The following RMI1 variants were observed in gnomAD, a reference collection of about 807,000 sequenced individuals.
The protein encoded by RMI1 is RecQ mediated genome instability 1.
Under a neutral mutation model 46.7 loss-of-function variants are expected in RMI1, and 36 were observed. The ratio of observed to expected loss-of-function variants is 0.77; its 90% CI spans 0.59 to 1.02. The LOEUF (loss-of-function observed/expected upper bound fraction) is 1.02, where lower values mean the gene tolerates loss of function less well. Among genes scored for constraint, RMI1 ranks in the 50% least tolerant of loss-of-function variants. The pLI, the probability that RMI1 is intolerant of heterozygous loss-of-function variation, is 0.00. For missense variants in RMI1, 676 were observed against 713.7 expected, an observed-to-expected ratio of 0.95 and a Z score of 0.60; for synonymous variants, 250 against 252.9, an observed-to-expected ratio of 0.99 and a Z score of 0.11.
chr9:84,000,635 T>C (rs1957723472), intron 2 of RMI1, among the ~76,000 whole-genome samples: 3 of 152,344 alleles, frequency 2.0e-5, no homozygotes, highest in African/African-American at 4.8e-5. Context: ...GTGATCCTGT[T>C]AACAATCCTA....
chr9:83,994,914 G>A (rs550601889), intron 1 of RMI1, among the ~76,000 whole-genome samples: 1 of 152,198 alleles, frequency 6.6e-6, no homozygotes, highest in South Asian at 2.1e-4. Context: ...ATGTTACTGT[G>A]TATAAGTGTA....
chr9:84,001,137 C>T lies in RMI1; in HGVS notation c.151C>T (p.Gln51Ter). The change falls in exon 3 of 3, where the codon CAA (glutamine) becomes TAA (stop). Residue 51 changes from glutamine to a stop codon, truncating the protein, a stop_gained. Transcript: ENST00000445877. LOFTEE classifies it high-confidence loss of function. ...VNLSQAQMNK[Q>*]VFEQWLLTDL... The stretch of plus-strand genomic sequence containing the variant: ...CTTGAGTCAGGCCCAAATGAATAAA[C>T]AAGTGTTTGAGCAGTGGCTCCTTAC... The T allele has an allele frequency of 6.2e-7, 1 of 1,614,058 alleles. No individual in the cohort carries two copies. The highest frequency in any genetic ancestry group is 2.2e-5 in the East Asian group (1 of 44,882).
intron 1 of RMI1, among the ~76,000 whole-genome samples, chr9:83,992,410 C>T (rs1957587999): frequency 6.6e-6 from 1 of 151,774 alleles, no homozygotes; most frequent in African/African-American, 2.4e-5. Context: ...TGCTTAGGTA[C>T]ACTAGGTAGC....
At chr9:83,999,200 AAATAAC>A (rs1957703634) in intron 1 of RMI1, among the ~76,000 whole-genome samples, 1 of 148,060 alleles carries the variant, frequency 6.8e-6, no homozygotes, top group Non-Finnish European at 1.5e-5. Context: ...AAAAAAAATA[AAATAAC>A]AATAAGTATA....
At chr9:83,981,288 G>T (rs1957385595) in intron 1 of RMI1, among the ~76,000 whole-genome samples, 1 of 152,222 alleles carries the variant, frequency 6.6e-6, no homozygotes, top group Non-Finnish European at 1.5e-5. Context: ...TAGTGTCGTC[G>T]CTGTAGTTTA....
At chr9:83,997,977 T>A (rs1260976497) in intron 1 of RMI1, among the ~76,000 whole-genome samples, 2 of 151,582 alleles carry the variant, frequency 1.3e-5, no homozygotes, top group Non-Finnish European at 2.9e-5. Flanking sequence ...AAAAAAAAAA[T>A]TTAAAGATGG....
At chr9:83,981,875 A>T (rs1018442537) in intron 1 of RMI1, among the ~76,000 whole-genome samples, 1 of 152,048 alleles carries the variant, frequency 6.6e-6, no homozygotes, top group South Asian at 2.1e-4. Context: ...TTAGAGGAAA[A>T]CTCTTGTTAG....
At chr9:83,992,070 G>A (rs1957583124) in intron 1 of RMI1, among the ~76,000 whole-genome samples, 1 of 152,134 alleles carries the variant, frequency 6.6e-6, no homozygotes, top group African/African-American at 2.4e-5. Flanking sequence ...ATGAATTTGG[G>A]GAGAACTAAA....
intron 1 of RMI1, among the ~76,000 whole-genome samples, chr9:83,998,113 C>T (rs532748800): frequency 2.6e-5 from 4 of 152,262 alleles, no homozygotes; most frequent in South Asian, 2.1e-4. Context: ...GGAAGTATTT[C>T]CATTTGGTAA....
chr9:84,001,199 T>G lies in RMI1; in HGVS notation c.213T>G (p.Asp71Glu). The G allele has an allele frequency of 6.2e-7, 1 of 1,614,144 alleles. No individual in the cohort carries two copies. Among genetic ancestry groups the G allele is most frequent in the Non-Finnish European group, 8.5e-7 (1 of 1,179,982 alleles). ...LRDLEHPLLPDGILEIPKGEL... is the reference protein window; with the variant it reads ...LRDLEHPLLPEGILEIPKGEL... Reference sequence around the variant, plus strand: ...ATTTGGAGCATCCTCTTTTACCCGATGGCATTTTAGAAATTCCAAAAGGAG... The same window carrying G: ...ATTTGGAGCATCCTCTTTTACCCGAGGGCATTTTAGAAATTCCAAAAGGAG... The change falls in exon 3 of 3, where the codon GAT (aspartate) becomes GAG (glutamate). Residue 71 changes from aspartate to glutamate, a missense_variant. By Grantham distance (45) the Asp-to-Glu change is conservative. Coordinates refer to ENST00000445877, the MANE Select transcript of RMI1 (RefSeq NM_001358291.2).
chr9:83,980,498 A>G (rs1158924471), upstream of RMI1: 2 of 152,822 alleles, frequency 1.3e-5, no homozygotes, highest in African/African-American at 2.4e-5. Flanking sequence ...AATAACTCCA[A>G]TTACCTATAG....
intron 1 of RMI1, among the ~76,000 whole-genome samples, chr9:83,996,357 T>A (rs1957653479): frequency 6.6e-6 from 1 of 152,208 alleles, no homozygotes; most frequent in Non-Finnish European, 1.5e-5. Flanking sequence ...AGGAGTCTGT[T>A]TCTGGTCTTC....
At chr9:83,986,057 A>T (rs1015650882) in intron 1 of RMI1, among the ~76,000 whole-genome samples, 13 of 151,718 alleles carry the variant, frequency 8.6e-5, no homozygotes, top group South Asian at 2.1e-4. Flanking sequence ...GTTTGGAATT[A>T]AAAAAAAATT....
At chr9:83,991,758 ATTACTT>A (rs1564081204) in intron 1 of RMI1, among the ~76,000 whole-genome samples, 2 of 152,100 alleles carry the variant, frequency 1.3e-5, no homozygotes, top group African/African-American at 4.8e-5. Flanking sequence ...TATTTGTTGA[ATTACTT>A]CTACAACTTT....
At chr9:83,991,544 T>C (rs1222229654) in intron 1 of RMI1, among the ~76,000 whole-genome samples, 1 of 152,068 alleles carries the variant, frequency 6.6e-6, no homozygotes, top group East Asian at 1.9e-4. Flanking sequence ...TCCTGAACTT[T>C]TGTCCTCAGG....
intron 1 of RMI1, among the ~76,000 whole-genome samples, chr9:83,981,676 G>T (rs1029336195): frequency 6.6e-6 from 1 of 152,150 alleles, no homozygotes. Context: ...AAGCATAAAG[G>T]TGTCATAATC....
At chr9:83,989,983 A>C (rs973618533) in intron 1 of RMI1, among the ~76,000 whole-genome samples, 1 of 152,244 alleles carries the variant, frequency 6.6e-6, no homozygotes, top group African/African-American at 2.4e-5. Flanking sequence ...ATGTATATAT[A>C]CACGGAATAT....
intron 1 of RMI1, among the ~76,000 whole-genome samples, chr9:83,999,192 A>AT (rs762726226): frequency 1.1e-4 from 16 of 148,430 alleles, no homozygotes; most frequent in Admixed American, 2.0e-4. Context: ...ATAAAATAAA[A>AT]AAAAATAAAA....
At position 84,001,545 on chromosome 9, in the gene RMI1, G is replaced by A. The variant is rs746788307; in HGVS notation, c.559G>A (p.Val187Met). 91 of 1,613,594 alleles carry A rather than the reference G, an allele frequency of 5.6e-5. No individual in the cohort carries two copies. Among genetic ancestry groups the A allele is most frequent in the Admixed American group, 1.7e-4 (10 of 59,950 alleles). ...TGTTCTCTTATTGAAACCAGAAAAC[G>A]TGAAAGTGTTAGGAGGTGAAGTAGA... ...LGVLLLKPEN[V>M]KVLGGEVDAL... The change falls in exon 3 of 3, where the codon GTG (valine) becomes ATG (methionine). Residue 187 changes from valine (V) to methionine (M), a missense_variant. Val to Met is a conservative substitution (Grantham distance 21, BLOSUM62 1). Transcript: ENST00000445877.
Sources: gnomAD v4.1 joint callset for allele counts (sites outside exome capture counted in the v4.1 genomes callset) on GRCh38, gnomAD v4.1.1 for gene constraint, MANE v1.5 for transcripts, NCBI Gene and HGNC (gene_info 2026-07-23, HGNC 2026-07-21) for gene names.